PRR16: variants seen among roughly 807,000 people sequenced by gnomAD.
PRR16 encodes proline rich 16.
Under a neutral mutation model 18.2 loss-of-function variants are expected in PRR16, and 6 were observed. The observed-to-expected ratio is 0.33, with a 90% confidence interval of 0.18 to 0.65. The LOEUF (loss-of-function observed/expected upper bound fraction) is 0.65, where lower values mean the gene tolerates loss of function less well. Ranked by LOEUF, PRR16 falls within the 30% of genes least tolerant of loss-of-function variation. The pLI is 0.74. For synonymous variants in PRR16, 151 were observed against 147.8 expected, an observed-to-expected ratio of 1.02 and a Z score of -0.16; for missense variants, 412 against 376.6, an observed-to-expected ratio of 1.09 and a Z score of -0.78.
chr5:120,624,832 G>T (rs1432160835), intron 1 of PRR16, among the ~76,000 whole-genome samples: 2 of 152,092 alleles, frequency 1.3e-5, no homozygotes, highest in Non-Finnish European at 2.9e-5. Flanking sequence ...CCTGGTGGGA[G>T]ATGATTGAAT....
chr5:120,603,243 G>A (rs537392337), intron 1 of PRR16, among the ~76,000 whole-genome samples: 6 of 152,116 alleles, frequency 3.9e-5, no homozygotes, highest in African/African-American at 1.4e-4. Flanking sequence ...TTTGGAACTC[G>A]TAATTAGTCT....
chr5:120,553,823 A>T (rs1232543126), intron 1 of PRR16, among the ~76,000 whole-genome samples: 1 of 151,854 alleles, frequency 6.6e-6, no homozygotes, highest in Non-Finnish European at 1.5e-5. Flanking sequence ...ATGGAAAAAA[A>T]CATACTCAGA....
At chr5:120,793,364 G>C in the PRR16 span, among the ~76,000 whole-genome samples, 1 of 151,984 alleles carries the variant, frequency 6.6e-6, no homozygotes, top group Admixed American at 6.6e-5. Flanking sequence ...GAAAAAAAAA[G>C]GTATATGGTT....
At chr5:120,490,271 C>G (rs531980156) in intron 1 of PRR16, among the ~76,000 whole-genome samples, 1 of 152,150 alleles carries the variant, frequency 6.6e-6, no homozygotes, top group East Asian at 1.9e-4. Context: ...CCATTCTCCC[C>G]GTCACTTTCA....
the PRR16 span, among the ~76,000 whole-genome samples, chr5:120,740,448 C>A: frequency 6.6e-6 from 1 of 151,994 alleles, no homozygotes; most frequent in Non-Finnish European, 1.5e-5. Context: ...TTCTTGTGTT[C>A]ATTTCTCTTT....
chr5:120,671,601 A>G (rs777251655), intron 1 of PRR16, among the ~76,000 whole-genome samples: 33 of 152,166 alleles, frequency 2.2e-4, no homozygotes, highest in Non-Finnish European at 4.1e-4. Flanking sequence ...AATTTACTAA[A>G]ATTTGCCTTC....
the PRR16 span, among the ~76,000 whole-genome samples, chr5:120,730,874 A>G: frequency 1.3e-5 from 2 of 152,242 alleles, no homozygotes; most frequent in Admixed American, 6.5e-5. Flanking sequence ...AATTATCGCA[A>G]TGCTCAGCTG....
chr5:120,693,613 A>T, the PRR16 span, among the ~76,000 whole-genome samples: 1 of 152,186 alleles, frequency 6.6e-6, no homozygotes, highest in Non-Finnish European at 1.5e-5. Context: ...ACTTTTTTAT[A>T]ATATCTTCTA....
the PRR16 span, among the ~76,000 whole-genome samples, chr5:120,763,769 T>C: frequency 6.6e-6 from 1 of 152,114 alleles, no homozygotes; most frequent in South Asian, 2.1e-4. Flanking sequence ...GGTGTTTCAC[T>C]TTCTTGGTTA....
At chr5:120,637,529 A>G (rs190304123) in intron 1 of PRR16, among the ~76,000 whole-genome samples, 116 of 152,260 alleles carry the variant, frequency 7.6e-4, no homozygotes, top group Non-Finnish European at 1.5e-3. Flanking sequence ...GGAGACTATT[A>G]TTCTAAGTGA....
At chr5:120,495,427 A>G (rs1395915364) in intron 1 of PRR16, among the ~76,000 whole-genome samples, 3 of 152,150 alleles carry the variant, frequency 2.0e-5, no homozygotes, top group Non-Finnish European at 2.9e-5. Flanking sequence ...TGGTATTTGC[A>G]TATAACCTAC....
At chr5:120,658,393 C>G (rs1406506322) in intron 1 of PRR16, 3 of 150,372 alleles carry the variant, frequency 2.0e-5, no homozygotes, top group Non-Finnish European at 4.4e-5. Flanking sequence ...CTTCATGGAA[C>G]CAACACTTGT....
the PRR16 span, among the ~76,000 whole-genome samples, chr5:120,700,315 C>A: frequency 2.0e-5 from 3 of 151,968 alleles, no homozygotes; most frequent in East Asian, 1.9e-4. Flanking sequence ...CTTTTTAAAG[C>A]GTGCTGCGGG....
At chr5:120,640,136 A>AG (rs1290541119) in intron 1 of PRR16, among the ~76,000 whole-genome samples, 10 of 152,004 alleles carry the variant, frequency 6.6e-5, no homozygotes, top group African/African-American at 2.4e-4. Flanking sequence ...AGGAACTACT[A>AG]GAGGGGGTAG....
intron 1 of PRR16, among the ~76,000 whole-genome samples, chr5:120,660,374 T>G (rs150320075): frequency 6.6e-6 from 1 of 152,194 alleles, no homozygotes; most frequent in Non-Finnish European, 1.5e-5. Flanking sequence ...CCCTTTATGT[T>G]TATTTGCTTT....
the PRR16 span, among the ~76,000 whole-genome samples, chr5:120,770,744 A>G: frequency 1.3e-5 from 2 of 152,032 alleles, no homozygotes; most frequent in Non-Finnish European, 2.9e-5. Flanking sequence ...CCCAATTTTC[A>G]TAACTTTTAT....
At chr5:120,699,944 T>A in the PRR16 span, among the ~76,000 whole-genome samples, 4 of 152,200 alleles carry the variant, frequency 2.6e-5, no homozygotes, top group East Asian at 1.9e-4. Context: ...ATGGGGGCTG[T>A]CTGTGAAGCT....
chr5:120,779,951 T>C, the PRR16 span, among the ~76,000 whole-genome samples: 2 of 152,176 alleles, frequency 1.3e-5, no homozygotes, highest in South Asian at 2.1e-4. Flanking sequence ...CAAAAATTTA[T>C]ATCTGTTGAC....
the PRR16 span, among the ~76,000 whole-genome samples, chr5:120,764,339 C>G: frequency 5.9e-5 from 9 of 151,724 alleles, no homozygotes; most frequent in Non-Finnish European, 1.0e-4. Flanking sequence ...TCTTTTCAGT[C>G]TCTTGATGTA....
Sources: allele counts gnomAD v4.1 joint callset (sites outside exome capture counted in the v4.1 genomes callset), GRCh38; gene constraint gnomAD v4.1.1; transcripts MANE v1.5; gene names NCBI Gene and HGNC (gene_info 2026-07-23, HGNC 2026-07-21).